TAF6: variants seen among roughly 807,000 people sequenced by gnomAD.
The protein encoded by TAF6 is TATA-box binding protein associated factor 6, also known as transcription initiation factor TFIID subunit 6.
In TAF6, 50 loss-of-function variants were observed where a neutral mutation model predicts 73.5. That is an observed-to-expected ratio of 0.68 (90% CI 0.54 to 0.86). The LOEUF is 0.86. Ranked by LOEUF, TAF6 falls within the 40% of genes least tolerant of loss-of-function variation. TAF6 has a pLI of 0.00. For missense variants in TAF6, 768 were observed against 899.5 expected (o/e 0.85, Z 1.87); for synonymous variants, 424 against 376.7 (o/e 1.13, Z -1.45).
chr7:100,112,273 G>A lies in TAF6; in HGVS notation c.575-20C>T. On this transcript the variant is annotated intron_variant, in intron 6 of 14. Coordinates refer to ENST00000453269, the MANE Select transcript of TAF6 (RefSeq NM_139315.3). ...CTTTCCCTGTGTGATTGGAAAGGTGGGTCTGACAAAGAAAGCTCCAGAAGA... is the reference window on the plus strand; with the variant it reads ...CTTTCCCTGTGTGATTGGAAAGGTGAGTCTGACAAAGAAAGCTCCAGAAGA... The A allele has an allele frequency of 1.2e-6, 2 of 1,606,126 alleles. No homozygotes were observed. Among genetic ancestry groups the A allele is most frequent in the South Asian group, 2.2e-5 (2 of 90,386 alleles).
Position 100,113,874 on chromosome 7 carries a change from A to G in TAF6, c.237T>C (p.Asn79=), listed in dbSNP as rs2116816603. The G allele has an allele frequency of 6.2e-7, 1 of 1,611,764 alleles. No individual in the cohort carries two copies. The highest frequency in any genetic ancestry group is 8.5e-7 in the Non-Finnish European group (1 of 1,179,328). ...SDIDYALKLK[N]VEPLYGFHAQ... ...GCCTGTCTCCCCAAATCACCTCGAC[A>G]TTCTTTAGCTTCAAGGCGTAGTCAA... The change falls in exon 3 of 15, where the codon AAT becomes AAC. Residue 79 remains asparagine (N), a synonymous_variant. Transcript: ENST00000453269.
At chr7:100,122,242 T>G, upstream of TAF6, 1 of 1,613,638 alleles carries the variant, frequency 6.2e-7, no homozygotes, top group Non-Finnish European at 8.5e-7. Context: ...CCCCCGGACG[T>G]TTCTCCTCCC....
At chr7:100,114,299 AAGAAACGTG>A in intron 1 of TAF6, 31 bp from the exon 2 acceptor site, 3 of 1,602,624 alleles carry the variant, frequency 1.9e-6, no homozygotes, top group Non-Finnish European at 1.7e-6. Context: ...GCAGAAGAAA[AAGAAACGTG>A]AGACACAGGG....
upstream of TAF6, chr7:100,122,445 G>A: frequency 6.2e-7 from 1 of 1,613,906 alleles, no homozygotes; most frequent in Non-Finnish European, 8.5e-7. Context: ...AGTTCCTACA[G>A]CATCCAGGGA....
chr7:100,122,552 G>A (rs112941833), upstream of TAF6: 19 of 1,611,958 alleles, frequency 1.2e-5, no homozygotes, highest in East Asian at 1.6e-4. Flanking sequence ...CACGCTGAGC[G>A]CAAGGGCTCA....
intron 1 of TAF6, 176 bp downstream of exon 1, chr7:100,119,028 G>T (rs1797918352): frequency 1.0e-6 from 1 of 985,786 alleles, no homozygotes; most frequent in Non-Finnish European, 1.2e-6. Flanking sequence ...ATCAGTGGAG[G>T]CGGCAGGAAG....
Position 100,108,753 on chromosome 7 carries a change from G to A in TAF6, c.1285-213C>T, listed in dbSNP as rs1448372744. The A allele has an allele frequency of 1.2e-5, 6 of 484,652 alleles. No individual in the cohort carries two copies. In the East Asian group the frequency reaches 1.4e-4, roughly 11 times the overall value. The allele number at this position is 484,652 out of a possible 1,614,324, so 30.0% of individuals were successfully genotyped here. On this transcript the variant is annotated intron_variant, in intron 12 of 14. Transcript: ENST00000453269. ...CTTTCTCATAAGAAAAGATGGGCAC[G>A]GGGCCAGGTGCAGCATCTTAGGCCT...
At chr7:100,122,369 G>C (rs1024455931), upstream of TAF6, 2 of 1,614,020 alleles carry the variant, frequency 1.2e-6, no homozygotes, top group African/African-American at 1.3e-5. Context: ...GAAGAGACAC[G>C]TGCCTTACAG....
the TAF6 span, chr7:100,126,604 T>C: frequency 1.3e-5 from 2 of 152,112 alleles, no homozygotes; most frequent in East Asian, 3.9e-4. Context: ...AGACCAGTCC[T>C]GGCAACAGAA....
At chr7:100,121,783 G>A (rs1311559433), upstream of TAF6, among the ~76,000 whole-genome samples, 3 of 150,912 alleles carry the variant, frequency 2.0e-5, no homozygotes, top group Non-Finnish European at 4.4e-5. Context: ...GGGCGTGGTG[G>A]CTCACGCCTG....
Position 100,118,976 on chromosome 7 carries a change from T to A in TAF6, c.-60+228A>T. The stretch of plus-strand genomic sequence containing the variant: ...AATACCCGGCGGTACCCTCTGCCAG[T>A]AAAGGCTCATAAAACACGCTACAGT... On this transcript the variant is annotated intron_variant, in intron 1 of 14. Coordinates refer to ENST00000453269, the MANE Select transcript of TAF6 (RefSeq NM_139315.3). The A allele has an allele frequency of 3.0e-6, 3 of 985,166 alleles. No individual in the cohort carries two copies. In the South Asian group the frequency reaches 1.4e-4, roughly 46 times the overall value. 61.0% of individuals were successfully genotyped at this position (985,166 alleles called of 1,614,324 possible). A position where few individuals can be genotyped will look rare whatever the true frequency, so the allele number is the denominator to read the frequency against.
rs965197138 is a variant in TAF6, at chr7:100,118,799, G to A, written c.-60+405C>T. The A allele has an allele frequency of 1.5e-4, 149 of 963,836 alleles. No individual in the cohort carries two copies. In the Middle Eastern group the frequency reaches 1.6e-3, roughly 10 times the overall value. The allele number at this position is 963,836 out of a possible 1,614,324, so 59.7% of individuals were successfully genotyped here. A position where few individuals can be genotyped will look rare whatever the true frequency, so the allele number is the denominator to read the frequency against. On this transcript the variant is annotated intron_variant, in intron 1 of 14. Transcript: ENST00000453269. ...GAAGAGGGAGGCCGAAAAACAAATT[G>A]GTTCTTTTCAAACCATCCCTGATCT... is the stretch of plus-strand genomic sequence containing the variant.
upstream of TAF6, chr7:100,119,733 C>CG: frequency 6.2e-7 from 1 of 1,614,120 alleles, no homozygotes. Flanking sequence ...TGTTTGTAGA[C>CG]GGCGCTTTGT....
intron 10 of TAF6, 142 bp downstream of exon 10, chr7:100,110,997 G>T: frequency 1.2e-6 from 1 of 844,954 alleles, no homozygotes; most frequent in East Asian, 2.8e-5. Context: ...AAAAAAAAAG[G>T]TATTACAGAC....
intron 12 of TAF6, among the ~76,000 whole-genome samples, chr7:100,109,361 A>C (rs1002155250): frequency 4.0e-5 from 6 of 151,738 alleles, no homozygotes; most frequent in African/African-American, 1.2e-4. Context: ...AAACATGGGC[A>C]CTAATGTGTG....
At chr7:100,119,146 C>T (rs1797927353) in intron 1 of TAF6, 58 bp downstream of exon 1, 6 of 986,870 alleles carry the variant, frequency 6.1e-6, no homozygotes, top group Non-Finnish European at 6.0e-6. Flanking sequence ...TCTCCTGCAA[C>T]ATCTCTCCAA....
At chr7:100,123,888 T>C (rs1798146980), upstream of TAF6, among the ~76,000 whole-genome samples, 1 of 152,072 alleles carries the variant, frequency 6.6e-6, no homozygotes, top group East Asian at 1.9e-4. Context: ...CCCAGCACTT[T>C]GGGAGGGCGA....
At chr7:100,119,597 C>A, upstream of TAF6, 1 of 1,513,756 alleles carries the variant, frequency 6.6e-7, no homozygotes, top group Non-Finnish European at 8.9e-7. Context: ...GCAACGAGGC[C>A]CCACCCTTGT....
At chr7:100,114,366 G>A (rs1797501002) in intron 1 of TAF6, 98 bp from the exon 2 acceptor site, 1 of 1,198,536 alleles carries the variant, frequency 8.3e-7, no homozygotes, top group Admixed American at 2.0e-5. Context: ...GGAACTCCGA[G>A]TGTCTTATGT....
Sources: allele counts gnomAD v4.1 joint callset (sites outside exome capture counted in the v4.1 genomes callset), GRCh38; gene constraint gnomAD v4.1.1; transcripts MANE v1.5; gene names NCBI Gene and HGNC (gene_info 2026-07-23, HGNC 2026-07-21).